The following SMC5 variants were observed in gnomAD, a reference collection of about 807,000 sequenced individuals.
SMC5 encodes the protein structural maintenance of chromosomes protein 5.
Under a neutral mutation model 148.3 loss-of-function variants are expected in SMC5, and 88 were observed. That is an observed-to-expected ratio of 0.59 (90% confidence interval 0.50 to 0.71). SMC5 has a LOEUF of 0.71. Among genes scored for constraint, SMC5 ranks in the 30% least tolerant of loss-of-function variants. SMC5 has a pLI of 0.00. For missense variants in SMC5, 1,142 were observed against 1,298.9 expected, an observed-to-expected ratio of 0.88 and a Z score of 1.86; for synonymous variants, 421 against 432.8, an observed-to-expected ratio of 0.97 and a Z score of 0.34.
chr9:70,317,995 C>T (rs2035848216), intron 13 of SMC5, among the ~76,000 whole-genome samples: 1 of 144,140 alleles, frequency 6.9e-6, no homozygotes, highest in African/African-American at 2.7e-5. Context: ...AACAAAGCTC[C>T]AAAACTACTT....
chr9:70,260,316 A>G (rs1326203710), intron 1 of SMC5, among the ~76,000 whole-genome samples: 2 of 152,172 alleles, frequency 1.3e-5, no homozygotes, highest in South Asian at 2.1e-4. Flanking sequence ...CGTGTTGACC[A>G]GGCTGATCTG....
At chr9:70,290,707 A>T (rs1189693661) in intron 8 of SMC5, among the ~76,000 whole-genome samples, 1 of 152,128 alleles carries the variant, frequency 6.6e-6, no homozygotes, top group African/African-American at 2.4e-5. Flanking sequence ...GAACATATTT[A>T]AAATCGCTGT....
At chr9:70,313,100 C>A (rs1486387917) in intron 11 of SMC5, among the ~76,000 whole-genome samples, 3 of 152,046 alleles carry the variant, frequency 2.0e-5, no homozygotes, top group African/African-American at 7.2e-5. Flanking sequence ...TCTTTTTCAT[C>A]TTGTTTTAAA....
At chr9:70,315,000 AGT>A in intron 12 of SMC5, among the ~76,000 whole-genome samples, 164 bp downstream of exon 12, 1 of 152,228 alleles carries the variant, frequency 6.6e-6, no homozygotes, top group South Asian at 2.1e-4. Context: ...GCACACAGTG[AGT>A]GTGATGCGAT....
At chr9:70,271,805 T>C (rs796522182) in intron 3 of SMC5, among the ~76,000 whole-genome samples, 4 of 152,206 alleles carry the variant, frequency 2.6e-5, no homozygotes, top group African/African-American at 9.7e-5. Flanking sequence ...ATTTCAGGTA[T>C]AGAGATTTGC....
intron 10 of SMC5, among the ~76,000 whole-genome samples, chr9:70,304,587 T>G (rs968114438): frequency 6.6e-6 from 1 of 152,142 alleles, no homozygotes; most frequent in Non-Finnish European, 1.5e-5. Flanking sequence ...CTCAGGAGGC[T>G]GAGGCGCAGG....
chr9:70,333,497 G>C (rs571659013), intron 17 of SMC5, among the ~76,000 whole-genome samples: 1 of 152,140 alleles, frequency 6.6e-6, no homozygotes, highest in South Asian at 2.1e-4. Flanking sequence ...TTGGGAGGCC[G>C]AGGTGGCCAG....
chr9:70,297,277 T>A (rs538257652), intron 8 of SMC5, among the ~76,000 whole-genome samples: 1 of 152,336 alleles, frequency 6.6e-6, no homozygotes, highest in East Asian at 1.9e-4. Context: ...CATCAGGAAA[T>A]AAAGGTGTCG....
Position 70,260,453 on chromosome 9 carries a change from T to G in SMC5, c.185+1190T>G, listed in dbSNP as rs983484750. Among the ~76,000 whole-genome samples, 3 of 152,180 alleles carry G rather than the reference T, an allele frequency of 2.0e-5. No individual in the cohort carries two copies. The East Asian group carries it at 5.8e-4, about 29-fold the overall frequency. On this transcript the variant is annotated intron_variant, in intron 1 of 24. Coordinates refer to ENST00000361138, the MANE Select transcript of SMC5 (RefSeq NM_015110.4). Reference sequence around the variant, plus strand: ...ACATAGTGGCATAAGGATAACAGAATTGTAATAACAATACTACCTTTTTTT... The same window carrying G: ...ACATAGTGGCATAAGGATAACAGAAGTGTAATAACAATACTACCTTTTTTT...
At chr9:70,328,994 GCCCCGTTTAGCCACA>G (rs1370441114) in intron 17 of SMC5, among the ~76,000 whole-genome samples, 1 of 152,180 alleles carries the variant, frequency 6.6e-6, no homozygotes, top group Non-Finnish European at 1.5e-5. Context: ...CTATATCTTG[GCCCCGTTTAGCCACA>G]CCCGGAGTGG....
chr9:70,316,949 T>C (rs893313070), intron 13 of SMC5, among the ~76,000 whole-genome samples: 1 of 152,042 alleles, frequency 6.6e-6, no homozygotes, highest in African/African-American at 2.4e-5. Flanking sequence ...TTATATACTA[T>C]ATTTTTTAAA....
Position 70,278,592 on chromosome 9 carries a change from CA to C in SMC5, c.650del (p.Asn217ThrfsTer2). On this transcript the variant is annotated frameshift_variant, in exon 5 of 25. Transcript: ENST00000361138. LOFTEE classifies it high-confidence loss of function. ...PEMHKYHCEL[K>X]NLREKEKQLE... ...AAATGCACAAATATCACTGTGAACT[CA>C]AAAACTTAAGGGAGAAAGAAAAACA... 6.2e-7 allele frequency: 1 copy of C among 1,608,948 alleles called. No individual in the cohort carries two copies. The highest frequency in any genetic ancestry group is 8.5e-7 in the Non-Finnish European group (1 of 1,178,234).
chr9:70,345,631 G>A (rs1262664262), intron 18 of SMC5, among the ~76,000 whole-genome samples: 3 of 151,914 alleles, frequency 2.0e-5, no homozygotes, highest in Non-Finnish European at 4.4e-5. Flanking sequence ...GAATCTCATT[G>A]GGGTTAAAAA....
intron 10 of SMC5, among the ~76,000 whole-genome samples, chr9:70,301,763 A>G (rs2035363435): frequency 6.6e-6 from 1 of 152,150 alleles, no homozygotes; most frequent in South Asian, 2.1e-4. Flanking sequence ...AGCCCTTAAA[A>G]TGTTTCTGTA....
chr9:70,267,976 G>T lies in SMC5; in HGVS notation c.380+1G>T, dbSNP rs1332369195. The T allele has an allele frequency of 1.2e-6, 2 of 1,611,884 alleles. No homozygotes were observed. The highest frequency in any genetic ancestry group is 2.2e-5 in the East Asian group (1 of 44,814). The stretch of plus-strand genomic sequence containing the variant: ...CTAGAGGCATGGTTGAAATTGAATT[G>T]TAAGTGTTAAAAGTGCTAAAACTCC... On this transcript the variant is annotated splice_donor_variant, in intron 3 of 24. Coordinates refer to ENST00000361138, the MANE Select transcript of SMC5 (RefSeq NM_015110.4). LOFTEE classifies it high-confidence loss of function.
intron 15 of SMC5, among the ~76,000 whole-genome samples, chr9:70,319,346 A>G (rs1472683177): frequency 2.6e-5 from 4 of 152,144 alleles, no homozygotes; most frequent in Non-Finnish European, 5.9e-5. Flanking sequence ...TTAAAAATAA[A>G]CCCATTATGT....
rs557825365 is a variant in SMC5 at position 70,353,228 on chromosome 9, G to C, written c.*897G>C. On this transcript the variant is annotated 3_prime_UTR_variant, in exon 25 of 25. Coordinates refer to ENST00000361138, the MANE Select transcript of SMC5 (RefSeq NM_015110.4). The stretch of plus-strand genomic sequence containing the variant: ...TACAATTTATATTTGAAATTTCTCA[G>C]TGTTATGTAAAGAGTGATGGAAAAG... The C allele has an allele frequency of 9.9e-5, 15 of 152,002 alleles. No individual in the cohort carries two copies. The highest frequency in any genetic ancestry group is 2.9e-4 in the African/African-American group (12 of 41,474). 9.4% of individuals were successfully genotyped at this position (152,002 alleles called of 1,614,324 possible).
chr9:70,259,348 G>A, intron 1 of SMC5, 85 bp downstream of exon 1: 1 of 1,384,330 alleles, frequency 7.2e-7, no homozygotes, highest in Non-Finnish European at 9.7e-7. Flanking sequence ...GGGCGTGGGC[G>A]TGTGGGTGTG....
chr9:70,261,605 G>C (rs2034138493), intron 1 of SMC5, among the ~76,000 whole-genome samples: 1 of 152,208 alleles, frequency 6.6e-6, no homozygotes, highest in Non-Finnish European at 1.5e-5. Flanking sequence ...TAGGAGTCTG[G>C]AGCTTAGAGG....
Sources: gnomAD v4.1 joint callset for allele counts (sites outside exome capture counted in the v4.1 genomes callset) on GRCh38, gnomAD v4.1.1 for gene constraint, MANE v1.5 for transcripts, NCBI Gene and HGNC (gene_info 2026-07-23, HGNC 2026-07-21) for gene names.